Variants in C12orf42 observed in about 807,000 individuals in gnomAD.
C12orf42 encodes chromosome 12 open reading frame 42.
Under a neutral mutation model 21.6 loss-of-function variants are expected in C12orf42, and 25 were observed. The ratio of observed to expected loss-of-function variants is 1.16; its 90% CI spans 0.84 to 1.62. C12orf42 has a LOEUF of 1.62. Among genes scored for constraint, C12orf42 ranks in the 40% most tolerant of loss-of-function variants. C12orf42 has a pLI of 0.00. For synonymous variants in C12orf42, 174 were observed against 175.0 expected, an observed-to-expected ratio of 0.99 and a Z score of 0.05; for missense variants, 483 against 459.3, an observed-to-expected ratio of 1.05 and a Z score of -0.47.
chr12:103,492,912 C>G (rs746764339), intron 1 of C12orf42, among the ~76,000 whole-genome samples: 1 of 152,234 alleles, frequency 6.6e-6, no homozygotes, highest in Non-Finnish European at 1.5e-5. Flanking sequence ...CTCCCTTTCC[C>G]TCTTCACCCC....
chr12:103,164,504 G>A, the C12orf42 span: 1 of 450,280 alleles, frequency 2.2e-6, no homozygotes, highest in Non-Finnish European at 4.5e-6. Flanking sequence ...TTCTTTATTT[G>A]CCAGGAAAGA....
chr12:103,112,694 T>C, the C12orf42 span, among the ~76,000 whole-genome samples: 1 of 152,092 alleles, frequency 6.6e-6, no homozygotes, highest in South Asian at 2.1e-4. Context: ...AATACTTCAT[T>C]GCTTTCCCTA....
chr12:103,205,627 C>T, the C12orf42 span, among the ~76,000 whole-genome samples: 4 of 150,962 alleles, frequency 2.6e-5, no homozygotes, highest in Admixed American at 2.7e-4. Context: ...ACCTGCTTAT[C>T]TACCTGAGAC....
chr12:103,412,296 G>A lies in C12orf42; in HGVS notation c.79-10621C>T, dbSNP rs145480839. On this transcript the variant is annotated intron_variant, in intron 2 of 5. Coordinates refer to ENST00000548883, the MANE Select transcript of C12orf42 (RefSeq NM_198521.5). ...TAAACACTAAGATTGTTTTACCTCC[G>A]CTAAACAGTAATAACCAAATAAATA... 1.1e-3 allele frequency among the ~76,000 whole-genome samples: 161 copies of A among 152,192 alleles called. 1 individual carries two copies. The East Asian group carries it at 0.023, about 22-fold the overall frequency.
rs550865946 is a variant in C12orf42 at position 103,442,334 on chromosome 12, A to G, written c.78+36015T>C. Among the ~76,000 whole-genome samples, 12 of 152,304 alleles carry G rather than the reference A, an allele frequency of 7.9e-5. No homozygotes were observed. In the South Asian group the frequency reaches 1.5e-3, roughly 18 times the overall value. On this transcript the variant is annotated intron_variant, in intron 2 of 5. Coordinates refer to ENST00000548883, the MANE Select transcript of C12orf42 (RefSeq NM_198521.5). ...CTCACATCTACTTTTTGATCTCACAATCTTACGGGGATGACAGTTCTGTGA... is the reference window on the plus strand; with the variant it reads ...CTCACATCTACTTTTTGATCTCACAGTCTTACGGGGATGACAGTTCTGTGA...
chr12:103,403,331 G>A (rs904722321), intron 2 of C12orf42, among the ~76,000 whole-genome samples: 8 of 147,934 alleles, frequency 5.4e-5, no homozygotes, highest in African/African-American at 7.5e-5. Context: ...AGCTGAGATT[G>A]CCCCACTACA....
chr12:103,131,076 CTGCCTACA>C, the C12orf42 span, among the ~76,000 whole-genome samples: 8 of 152,298 alleles, frequency 5.3e-5, 1 homozygote, highest in South Asian at 1.7e-3. Context: ...CTATTTCCAG[CTGCCTACA>C]TGGGTACCCA....
At chr12:103,500,457 GCTTGTGA>G (rs1955691477), upstream of C12orf42, among the ~76,000 whole-genome samples, 1 of 152,142 alleles carries the variant, frequency 6.6e-6, no homozygotes, top group African/African-American at 2.4e-5. Context: ...TGGGTAGAAG[GCTTGTGA>G]CTTAAGGAAT....
chr12:103,109,620 A>AT, the C12orf42 span, among the ~76,000 whole-genome samples: 1 of 149,082 alleles, frequency 6.7e-6, no homozygotes, highest in Admixed American at 6.7e-5. Flanking sequence ...AATATTATAT[A>AT]ATTTCTGAAA....
At chr12:103,108,701 A>T in the C12orf42 span, among the ~76,000 whole-genome samples, 3 of 152,284 alleles carry the variant, frequency 2.0e-5, no homozygotes, top group South Asian at 6.2e-4. Flanking sequence ...CAAGAGTGCC[A>T]GTTATCAAGT....
At chr12:103,099,667 A>C in the C12orf42 span, among the ~76,000 whole-genome samples, 1 of 152,202 alleles carries the variant, frequency 6.6e-6, no homozygotes, top group African/African-American at 2.4e-5. Context: ...TTAAAATATA[A>C]GGCATTTTTC....
chr12:103,476,603 A>G (rs1397341131), intron 2 of C12orf42, among the ~76,000 whole-genome samples: 1 of 152,222 alleles, frequency 6.6e-6, no homozygotes, highest in African/African-American at 2.4e-5. Context: ...GGAGAGAAGC[A>G]GTTTCCTAAA....
the C12orf42 span, among the ~76,000 whole-genome samples, chr12:103,118,527 G>A: frequency 1.3e-5 from 2 of 151,998 alleles, no homozygotes; most frequent in Non-Finnish European, 1.5e-5. Flanking sequence ...GGCTGGGCGC[G>A]GTGGCTCATG....
the C12orf42 span, among the ~76,000 whole-genome samples, chr12:103,544,993 A>T: frequency 1.3e-5 from 2 of 151,904 alleles, no homozygotes; most frequent in Non-Finnish European, 2.9e-5. Context: ...TTTTTCCCCC[A>T]CTTTCTCCAG....
chr12:103,163,812 A>G, the C12orf42 span, among the ~76,000 whole-genome samples: 1 of 152,184 alleles, frequency 6.6e-6, no homozygotes, highest in East Asian at 1.9e-4. Context: ...CATCTGTAAA[A>G]TTGGGATAGT....
chr12:103,526,872 AT>A, the C12orf42 span, among the ~76,000 whole-genome samples: 7 of 152,322 alleles, frequency 4.6e-5, no homozygotes, highest in Admixed American at 1.3e-4. Flanking sequence ...AATGTACAGT[AT>A]TTTGTTATGG....
At chr12:103,294,627 A>T (rs1000039563) in intron 4 of C12orf42, among the ~76,000 whole-genome samples, 1 of 149,394 alleles carries the variant, frequency 6.7e-6, no homozygotes, top group African/African-American at 2.5e-5. Context: ...AAAGAAAGAA[A>T]GAAAGAAAGA....
chr12:103,373,120 T>C (rs1230381007), intron 3 of C12orf42, among the ~76,000 whole-genome samples: 1 of 152,078 alleles, frequency 6.6e-6, no homozygotes, highest in Non-Finnish European at 1.5e-5. Flanking sequence ...GTCAAACCCA[T>C]GCTCTATATA....
chr12:103,521,730 A>C, the C12orf42 span, among the ~76,000 whole-genome samples: 1 of 152,180 alleles, frequency 6.6e-6, no homozygotes, highest in Non-Finnish European at 1.5e-5. Context: ...ACTAACCTCT[A>C]ACTAGGGACT....
Sources: allele counts gnomAD v4.1 joint callset (sites outside exome capture counted in the v4.1 genomes callset), GRCh38; gene constraint gnomAD v4.1.1; transcripts MANE v1.5; gene names NCBI Gene and HGNC (gene_info 2026-07-23, HGNC 2026-07-21).